The following TOMM20L variants were observed in gnomAD, a reference collection of about 807,000 sequenced individuals.
The protein encoded by TOMM20L is translocase of outer mitochondrial membrane 20 like.
A neutral mutation model predicts 20.4 loss-of-function variants in TOMM20L; 19 were observed. The ratio of observed to expected loss-of-function variants is 0.93; its 90% CI spans 0.65 to 1.36. The LOEUF (loss-of-function observed/expected upper bound fraction) is 1.36, where lower values mean the gene tolerates loss of function less well. TOMM20L is among the 40% of genes most tolerant of loss of function. The pLI is 0.00. For missense variants in TOMM20L, 218 were observed against 203.7 expected (o/e 1.07, Z -0.43); for synonymous variants, 75 against 79.6 (o/e 0.94, Z 0.30).
intron 3 of TOMM20L, among the ~76,000 whole-genome samples, chr14:58,404,548 C>T (rs1236555935): frequency 1.3e-5 from 2 of 151,688 alleles, no homozygotes; most frequent in East Asian, 2.0e-4. Flanking sequence ...GAGCATCCTC[C>T]AGGATTTATA....
chr14:58,408,626 A>C lies in TOMM20L; in HGVS notation c.*44A>C, dbSNP rs557892133. The C allele has an allele frequency of 3.0e-5, 47 of 1,565,756 alleles. No individual in the cohort carries two copies. The South Asian group carries it at 4.8e-4, about 16-fold the overall frequency. On this transcript the variant is annotated 3_prime_UTR_variant, in exon 5 of 5. Coordinates refer to ENST00000360945, the MANE Select transcript of TOMM20L (RefSeq NM_207377.3). Reference sequence around the variant, plus strand: ...CACAGTCCAGTGAGAATACTATGGTACCATACAGTATAAACAACTGCTCAG... The same window carrying C: ...CACAGTCCAGTGAGAATACTATGGTCCCATACAGTATAAACAACTGCTCAG...
chr14:58,396,603 T>C (rs2035926797), intron 2 of TOMM20L, among the ~76,000 whole-genome samples: 1 of 152,232 alleles, frequency 6.6e-6, no homozygotes, highest in Non-Finnish European at 1.5e-5. Flanking sequence ...GCACTTCTTT[T>C]AACTGGAAGA....
At chr14:58,397,010 C>T (rs776911933) in intron 2 of TOMM20L, among the ~76,000 whole-genome samples, 1 of 152,186 alleles carries the variant, frequency 6.6e-6, no homozygotes, top group Non-Finnish European at 1.5e-5. Context: ...AGGAGAATTG[C>T]TTGAGTCCGG....
At chr14:58,401,506 CT>C (rs2035992020) in intron 2 of TOMM20L, among the ~76,000 whole-genome samples, 2 of 149,946 alleles carry the variant, frequency 1.3e-5, no homozygotes, top group Admixed American at 1.3e-4. Context: ...GGAGGCGGAG[CT>C]TGCAGTGAGC....
the TOMM20L span, among the ~76,000 whole-genome samples, chr14:58,415,945 G>C: frequency 6.6e-6 from 1 of 152,006 alleles, no homozygotes; most frequent in Admixed American, 6.6e-5. Context: ...GCTGAGCGCA[G>C]TGCCTCACGT....
At chr14:58,401,869 C>G (rs1330433678) in intron 2 of TOMM20L, among the ~76,000 whole-genome samples, 1 of 152,082 alleles carries the variant, frequency 6.6e-6, no homozygotes, top group African/African-American at 2.4e-5. Flanking sequence ...GTCCTTTGTC[C>G]CTTTCCTTTT....
rs796532523 is a variant in TOMM20L, at chr14:58,397,669, G to A, written c.180+1328G>A. Among the ~76,000 whole-genome samples, 16 of 152,310 alleles carry A rather than the reference G, an allele frequency of 1.1e-4. 1 individual carries two copies. Among genetic ancestry groups the A allele is most frequent in the African/African-American group, 3.8e-4 (16 of 41,580 alleles). The stretch of plus-strand genomic sequence containing the variant: ...CATTCAGTAAACCAGTTTGGCAAAG[G>A]AGTCATACTGAGGAATAGTGGGTGG... On this transcript the variant is annotated intron_variant, in intron 2 of 4. Transcript: ENST00000360945.
intron 4 of TOMM20L, among the ~76,000 whole-genome samples, chr14:58,408,291 C>T (rs947616429): frequency 1.3e-5 from 2 of 152,028 alleles, no homozygotes; most frequent in Non-Finnish European, 2.9e-5. Flanking sequence ...GTGGCACACA[C>T]CTGTAATCCC....
chr14:58,408,125 T>C (rs1262808660), intron 4 of TOMM20L, among the ~76,000 whole-genome samples: 3 of 152,116 alleles, frequency 2.0e-5, no homozygotes, highest in African/African-American at 7.2e-5. Flanking sequence ...AAAATGTAGG[T>C]AAGATATGTG....
At chr14:58,410,852 T>G, downstream of TOMM20L, 1 of 1,608,446 alleles carries the variant, frequency 6.2e-7, no homozygotes, top group Non-Finnish European at 8.5e-7. Context: ...CCTCTTCAGG[T>G]TTTACTTCTC....
intron 3 of TOMM20L, 68 bp from the exon 4 acceptor site, chr14:58,407,258 T>C: frequency 6.8e-7 from 1 of 1,465,390 alleles, no homozygotes; most frequent in Admixed American, 2.4e-5. Context: ...TGTTGCTTTC[T>C]TGGATTTGTA....
chr14:58,400,832 T>C (rs1246599451), intron 2 of TOMM20L, among the ~76,000 whole-genome samples: 1 of 151,332 alleles, frequency 6.6e-6, no homozygotes, highest in African/African-American at 2.4e-5. Flanking sequence ...GAGTCAAGAC[T>C]GCACCACTGC....
At chr14:58,411,537 A>G (rs1032160384), downstream of TOMM20L, among the ~76,000 whole-genome samples, 1 of 151,680 alleles carries the variant, frequency 6.6e-6, no homozygotes, top group Non-Finnish European at 1.5e-5. Flanking sequence ...TTGTGAAACC[A>G]CTGACATGGT....
intron 2 of TOMM20L, among the ~76,000 whole-genome samples, chr14:58,398,133 T>C (rs1341007776): frequency 6.6e-6 from 1 of 152,168 alleles, no homozygotes; most frequent in Non-Finnish European, 1.5e-5. Context: ...TTCCCTGACT[T>C]GACTGAGACA....
rs1329538996 is a variant in TOMM20L at position 58,407,456 on chromosome 14, C to G, written c.393C>G (p.Pro131=). 14 of 1,611,760 alleles carry G rather than the reference C, an allele frequency of 8.7e-6. No homozygotes were observed. Among genetic ancestry groups the G allele is most frequent in the Non-Finnish European group, 1.2e-5 (14 of 1,179,388 alleles). ...TTGAGATGCTGTTGCACAAAATTCC[C>G]CTTATTTGCCAGGTGAGCACATATT... ...KVFEMLLHKI[P]LICQQFEADM... is the part of the protein sequence containing the mutation. Residue 131 remains proline, a synonymous_variant, in exon 4 of 5, where the codon CCC becomes CCG. Transcript: ENST00000360945.
downstream of TOMM20L, among the ~76,000 whole-genome samples, chr14:58,410,172 G>A (rs1477138931): frequency 1.3e-5 from 2 of 152,098 alleles, no homozygotes; most frequent in South Asian, 2.1e-4. Context: ...CCCGGGCTCA[G>A]GTGACCCTCT....
chr14:58,410,076 T>C (rs1017114315), downstream of TOMM20L, among the ~76,000 whole-genome samples: 2 of 151,590 alleles, frequency 1.3e-5, no homozygotes, highest in African/African-American at 2.4e-5. Context: ...TGGTGCTTTT[T>C]GTTGTTGTTG....
chr14:58,414,253 C>T, the TOMM20L span, among the ~76,000 whole-genome samples: 4 of 151,922 alleles, frequency 2.6e-5, no homozygotes, highest in African/African-American at 9.7e-5. Flanking sequence ...CTTTATGAAG[C>T]TTTGTTGAAA....
intron 2 of TOMM20L, among the ~76,000 whole-genome samples, chr14:58,399,105 T>C (rs2035959406): frequency 6.6e-6 from 1 of 152,166 alleles, no homozygotes; most frequent in Non-Finnish European, 1.5e-5. Flanking sequence ...AGGCTGGTCT[T>C]GAACTCCTGA....
Sources: gnomAD v4.1 joint callset for allele counts (sites outside exome capture counted in the v4.1 genomes callset) on GRCh38, gnomAD v4.1.1 for gene constraint, MANE v1.5 for transcripts, NCBI Gene and HGNC (gene_info 2026-07-23, HGNC 2026-07-21) for gene names.